CTNNA3: variants seen among roughly 807,000 people sequenced by gnomAD.
The protein encoded by CTNNA3 is catenin alpha 3.
CTNNA3 carries 76 observed loss-of-function variants against 95.7 expected under a neutral mutation model. The observed-to-expected ratio is 0.79, with a 90% confidence interval of 0.66 to 0.96. The LOEUF (loss-of-function observed/expected upper bound fraction) is 0.96, where lower values mean the gene tolerates loss of function less well. CTNNA3 is among the 40% of genes least tolerant of loss of function. CTNNA3 has a pLI of 0.00. For synonymous variants in CTNNA3, 431 were observed against 374.4 expected (o/e 1.15, Z -1.74); for missense variants, 1,191 against 1,089.8 (o/e 1.09, Z -1.31).
intron 5 of CTNNA3, among the ~76,000 whole-genome samples, chr10:67,235,559 C>T (rs1865413853): frequency 6.8e-6 from 1 of 147,336 alleles, no homozygotes; most frequent in South Asian, 2.2e-4. Flanking sequence ...ACCATAAAAA[C>T]CCTAGAAGAA....
chr10:67,702,369 G>C (rs975079115), intron 1 of CTNNA3, among the ~76,000 whole-genome samples: 5 of 152,154 alleles, frequency 3.3e-5, no homozygotes, highest in Admixed American at 1.3e-4. Flanking sequence ...TGACCACATA[G>C]TTGGAAGTAA....
intron 14 of CTNNA3, among the ~76,000 whole-genome samples, chr10:66,081,081 A>C (rs758392358): frequency 1.3e-5 from 2 of 152,190 alleles, no homozygotes; most frequent in Non-Finnish European, 2.9e-5. Context: ...CCATCAAGAC[A>C]AGGAGAAATT....
chr10:66,312,347 C>G (rs1295312394), intron 12 of CTNNA3, among the ~76,000 whole-genome samples: 1 of 152,098 alleles, frequency 6.6e-6, no homozygotes, highest in Non-Finnish European at 1.5e-5. Flanking sequence ...AACTTGCCTG[C>G]AACAATCTTT....
intron 7 of CTNNA3, chr10:67,052,755 CAAACAAACAAAG>C (rs1855189969): frequency 6.6e-6 from 1 of 151,998 alleles, no homozygotes; most frequent in African/African-American, 2.4e-5. Context: ...ACTACAAAAA[CAAACAAACAAAG>C]AAACAAACAA....
chr10:67,726,391 T>TATATTATATCATATATCATATATA (rs1841218356), intron 1 of CTNNA3, among the ~76,000 whole-genome samples: 1 of 29,484 alleles, frequency 3.4e-5, no homozygotes, highest in Non-Finnish European at 6.1e-5. Context: ...TGAAATTATA[T>TATATTATATCATATATCATATATA]ATATTATATA....
At chr10:66,087,642 G>A (rs2081040348) in intron 14 of CTNNA3, among the ~76,000 whole-genome samples, 1 of 152,068 alleles carries the variant, frequency 6.6e-6, no homozygotes, top group African/African-American at 2.4e-5. Flanking sequence ...TGGAGTGCTT[G>A]GTTGACTCTT....
chr10:67,464,648 T>C (rs1218091135), intron 5 of CTNNA3, among the ~76,000 whole-genome samples: 1 of 152,144 alleles, frequency 6.6e-6, no homozygotes, highest in Non-Finnish European at 1.5e-5. Flanking sequence ...TATCCATGTA[T>C]CCCTTTTTGC....
intron 5 of CTNNA3, among the ~76,000 whole-genome samples, chr10:67,426,871 A>C (rs77499402): frequency 0.017 from 2,656 of 152,160 alleles, 86 homozygotes; most frequent in African/African-American, 0.059. Flanking sequence ...TAAAGATGCA[A>C]TTTAAATAGC....
intron 15 of CTNNA3, among the ~76,000 whole-genome samples, chr10:66,037,382 A>G (rs1181723954): frequency 6.6e-6 from 1 of 152,188 alleles, no homozygotes; most frequent in East Asian, 1.9e-4. Context: ...AAGCTGCCAA[A>G]TATAATTTGA....
intron 11 of CTNNA3, among the ~76,000 whole-genome samples, chr10:66,382,219 C>G (rs1269475948): frequency 1.3e-5 from 2 of 152,158 alleles, no homozygotes; most frequent in East Asian, 3.9e-4. Flanking sequence ...ACAGGGCACT[C>G]CCTGCCCAAA....
intron 12 of CTNNA3, among the ~76,000 whole-genome samples, chr10:66,321,732 T>TGTTTAC (rs1441069160): frequency 4.6e-5 from 7 of 152,174 alleles, no homozygotes; most frequent in Non-Finnish European, 8.8e-5. Context: ...CAAAATACTG[T>TGTTTAC]GTTTACAATA....
intron 10 of CTNNA3, among the ~76,000 whole-genome samples, chr10:66,610,698 A>T (rs1162704116): frequency 2.0e-5 from 3 of 152,086 alleles, no homozygotes; most frequent in Admixed American, 6.6e-5. Context: ...GTCATACGGT[A>T]AATATGGAAA....
intron 13 of CTNNA3, among the ~76,000 whole-genome samples, chr10:66,252,593 T>C (rs2090603152): frequency 6.6e-6 from 1 of 152,182 alleles, no homozygotes; most frequent in African/African-American, 2.4e-5. Context: ...TGGTGTTATG[T>C]GAATATATGG....
intron 11 of CTNNA3, among the ~76,000 whole-genome samples, chr10:66,388,812 A>G (rs2092913645): frequency 6.6e-6 from 1 of 152,146 alleles, no homozygotes; most frequent in Non-Finnish European, 1.5e-5. Context: ...AAAGGTTCAC[A>G]AAGTTTGTAT....
intron 7 of CTNNA3, among the ~76,000 whole-genome samples, chr10:66,946,999 G>A (rs1025764578): frequency 1.3e-5 from 2 of 152,056 alleles, no homozygotes; most frequent in African/African-American, 4.8e-5. Flanking sequence ...CTCCAAGAAG[G>A]ACACTGAGGT....
chr10:67,671,694 A>C (rs1434254181), intron 1 of CTNNA3, among the ~76,000 whole-genome samples: 1 of 151,528 alleles, frequency 6.6e-6, no homozygotes, highest in African/African-American at 2.4e-5. Context: ...TGAACTCATC[A>C]TTTTTTATGG....
intron 7 of CTNNA3, among the ~76,000 whole-genome samples, chr10:66,943,427 T>TATC (rs1196107945): frequency 6.6e-6 from 1 of 152,056 alleles, no homozygotes; most frequent in African/African-American, 2.4e-5. Flanking sequence ...TTTTATGGTA[T>TATC]ATCTTCAAGA....
chr10:66,942,444 AT>A (rs1848047068), intron 7 of CTNNA3, among the ~76,000 whole-genome samples: 1 of 152,122 alleles, frequency 6.6e-6, no homozygotes, highest in Non-Finnish European at 1.5e-5. Context: ...TGTTGTTAGT[AT>A]TGTGTTTCTT....
At chr10:66,190,420 G>A (rs2086606447) in intron 13 of CTNNA3, among the ~76,000 whole-genome samples, 1 of 152,114 alleles carries the variant, frequency 6.6e-6, no homozygotes, top group Non-Finnish European at 1.5e-5. Context: ...TTTTAGACCT[G>A]AGAATGCTCT....
Sources: gnomAD v4.1 joint callset for allele counts (sites outside exome capture counted in the v4.1 genomes callset) on GRCh38, gnomAD v4.1.1 for gene constraint, MANE v1.5 for transcripts, NCBI Gene and HGNC (gene_info 2026-07-23, HGNC 2026-07-21) for gene names.